The following WDR64 variants were observed in gnomAD, a reference collection of about 807,000 sequenced individuals.
The protein encoded by WDR64 is WD repeat-containing protein 64.
Under a neutral mutation model 139.3 loss-of-function variants are expected in WDR64, and 112 were observed. That is an observed-to-expected ratio of 0.80 (90% CI 0.69 to 0.94). The LOEUF (loss-of-function observed/expected upper bound fraction) is 0.94. Among genes scored for constraint, WDR64 ranks in the 40% least tolerant of loss-of-function variants. WDR64 has a pLI of 0.00. For synonymous variants in WDR64, 444 were observed against 437.7 expected (o/e 1.01, Z -0.18); for missense variants, 1,206 against 1,293.1 (o/e 0.93, Z 1.03).
intron 16 of WDR64, among the ~76,000 whole-genome samples, chr1:241,768,471 T>C (rs12094877): frequency 0.16 from 24,141 of 152,208 alleles, 2,190 homozygotes; most frequent in African/African-American, 0.21. Context: ...ACTCTAAGCC[T>C]CAGGCTTTTT....
At chr1:241,672,833 G>A (rs1362193056) in intron 3 of WDR64, among the ~76,000 whole-genome samples, 2 of 152,098 alleles carry the variant, frequency 1.3e-5, no homozygotes, top group Non-Finnish European at 2.9e-5. Context: ...GTAGTGGGGA[G>A]AGTGGTGGGA....
At chr1:241,668,560 C>T (rs1398560319) in intron 2 of WDR64, among the ~76,000 whole-genome samples, 1 of 152,028 alleles carries the variant, frequency 6.6e-6, no homozygotes, top group Non-Finnish European at 1.5e-5. Context: ...CCGAAGTGCC[C>T]ACCTGACTAA....
intron 9 of WDR64, among the ~76,000 whole-genome samples, chr1:241,712,593 G>A (rs759322981): frequency 2.6e-5 from 4 of 152,234 alleles, no homozygotes; most frequent in Admixed American, 6.5e-5. Context: ...TCTCACTTGC[G>A]AGCTGTGTGG....
rs377727182 is a variant in WDR64, at chr1:241,772,927, T to C, written c.2426T>C (p.Leu809Pro). The change falls in exon 20 of 28, where the codon CTG becomes CCG. Residue 809 changes from leucine to proline, a missense_variant. Coordinates refer to ENST00000437684, the MANE Select transcript of WDR64 (RefSeq NM_001367482.1). ...HEDGHLRLWT[L>P]EGRLLKDMLP... ...GATGGACACCTCCGCTTGTGGACTC[T>C]GGAGGTAATGGAACCCAGCAAGTCT... 2.6e-6 allele frequency: 4 copies of C among 1,549,556 alleles called. No individual in the cohort carries two copies. Among genetic ancestry groups the C allele is most frequent in the African/African-American group, 2.7e-5 (2 of 72,968 alleles).
intron 14 of WDR64, among the ~76,000 whole-genome samples, chr1:241,751,313 C>T (rs1382839951): frequency 6.6e-6 from 1 of 152,086 alleles, no homozygotes. Context: ...TAATAAATTT[C>T]TTTCCCTAAA....
chr1:241,795,335 T>A, intron 26 of WDR64, 48 bp downstream of exon 26: 1 of 1,520,566 alleles, frequency 6.6e-7, no homozygotes, highest in South Asian at 1.2e-5. Flanking sequence ...CAGTAGAGAA[T>A]CTGCCATCTC....
In WDR64 at chr1:241,802,316, C is replaced by A. The variant is rs1258742522; in HGVS notation, c.*1101C>A. The stretch of plus-strand genomic sequence containing the variant: ...AAAGAATACATGTTGTATGATTCCA[C>A]GTTTATAAAATTCTACAACAGGAAA... On this transcript the variant is annotated 3_prime_UTR_variant, in exon 28 of 28. Coordinates refer to ENST00000437684, the MANE Select transcript of WDR64 (RefSeq NM_001367482.1). Among the ~76,000 whole-genome samples, 1 of 151,990 alleles carries A rather than the reference C, an allele frequency of 6.6e-6. No individual in the cohort carries two copies. Among genetic ancestry groups the A allele is most frequent in the South Asian group, 2.1e-4 (1 of 4,834 alleles).
chr1:241,730,089 T>C (rs1669019855), intron 10 of WDR64, among the ~76,000 whole-genome samples: 1 of 152,304 alleles, frequency 6.6e-6, no homozygotes, highest in Admixed American at 6.5e-5. Flanking sequence ...TGAGTGGCCA[T>C]CTAGGAAGAA....
chr1:241,687,556 C>T lies in WDR64; in HGVS notation c.935C>T (p.Ser312Leu), dbSNP rs1322857227. The change falls in exon 8 of 28, where the codon TCA becomes TTA. Residue 312 changes from serine to leucine, a missense_variant. Coordinates refer to ENST00000437684, the MANE Select transcript of WDR64 (RefSeq NM_001367482.1). Reference sequence around the variant, plus strand: ...TCCTGCTCCTTAGACAGTAATCATTCATTAGTTTTGGAATCCTTGAAGAGA... The same window carrying T: ...TCCTGCTCCTTAGACAGTAATCATTTATTAGTTTTGGAATCCTTGAAGAGA... ...FGSCSLDSNH[S>L]LVLESLKRLE... The T allele has an allele frequency of 6.2e-7, 1 of 1,611,846 alleles. No individual in the cohort carries two copies. The highest frequency in any genetic ancestry group is 8.5e-7 in the Non-Finnish European group (1 of 1,179,566).
At chr1:241,800,517 C>T (rs1295405632) in intron 27 of WDR64, among the ~76,000 whole-genome samples, 2 of 152,108 alleles carry the variant, frequency 1.3e-5, no homozygotes, top group African/African-American at 2.4e-5. Flanking sequence ...CGTGGTGACA[C>T]ATGCCTGTGG....
intron 8 of WDR64, among the ~76,000 whole-genome samples, chr1:241,702,281 A>G (rs1490050249): frequency 6.6e-6 from 1 of 150,844 alleles, no homozygotes; most frequent in Non-Finnish European, 1.5e-5. Context: ...CTGTGGAGAC[A>G]GAACTGGTTT....
At chr1:241,795,119 A>G in intron 25 of WDR64, 88 bp from the exon 26 acceptor site, 1 of 1,117,474 alleles carries the variant, frequency 8.9e-7, no homozygotes, top group South Asian at 1.4e-5. Context: ...CACATCTAAT[A>G]AGTGACAGAG....
At chr1:241,672,316 AACAC>A (rs138021671) in intron 3 of WDR64, among the ~76,000 whole-genome samples, 1 of 151,576 alleles carries the variant, frequency 6.6e-6, no homozygotes, top group Non-Finnish European at 1.5e-5. Flanking sequence ...AGAAAAAGAA[AACAC>A]ACACACACAC....
intron 12 of WDR64, among the ~76,000 whole-genome samples, chr1:241,743,248 T>A (rs891937811): frequency 1.3e-5 from 2 of 152,296 alleles, no homozygotes; most frequent in Non-Finnish European, 2.9e-5. Context: ...TGAGTTTTCA[T>A]GCCAGGTTGG....
chr1:241,675,439 G>T (rs1666514247), intron 4 of WDR64, among the ~76,000 whole-genome samples: 2 of 152,046 alleles, frequency 1.3e-5, no homozygotes, highest in South Asian at 2.1e-4. Flanking sequence ...TGAGGAGATT[G>T]CTGTGCTCTG....
intron 8 of WDR64, among the ~76,000 whole-genome samples, chr1:241,710,106 C>T (rs74150369): frequency 0.013 from 2,014 of 152,006 alleles, 40 homozygotes; most frequent in African/African-American, 0.045. Context: ...AGCAACAAGG[C>T]CAGGTTTCTC....
chr1:241,794,791 G>A (rs562090969), intron 25 of WDR64, among the ~76,000 whole-genome samples: 1 of 152,138 alleles, frequency 6.6e-6, no homozygotes, highest in Non-Finnish European at 1.5e-5. Flanking sequence ...ACAGGCATGA[G>A]CCACCGTGCC....
At chr1:241,693,437 G>A (rs1306668400) in intron 8 of WDR64, among the ~76,000 whole-genome samples, 1 of 152,082 alleles carries the variant, frequency 6.6e-6, no homozygotes. Context: ...GAATTTTAGG[G>A]CACTGAAACT....
chr1:241,737,544 C>T lies in WDR64; in HGVS notation c.1195-819C>T, dbSNP rs191838271. Among the ~76,000 whole-genome samples, 573 of 152,232 alleles carry T rather than the reference C, an allele frequency of 3.8e-3. 3 individuals carry two copies. Among genetic ancestry groups the T allele is most frequent in the African/African-American group, 0.013 (546 of 41,550 alleles). ...CATGAAAATATTATTTAAGGGCTGA[C>T]GTAGAGCTAGAAAATGTAATTTCCC... On this transcript the variant is annotated intron_variant, in intron 10 of 27. Transcript: ENST00000437684.
Sources: gnomAD v4.1 joint callset for allele counts (sites outside exome capture counted in the v4.1 genomes callset) on GRCh38, gnomAD v4.1.1 for gene constraint, MANE v1.5 for transcripts, NCBI Gene and HGNC (gene_info 2026-07-23, HGNC 2026-07-21) for gene names.